Variants in FAM135A observed in about 807,000 individuals in gnomAD.
FAM135A encodes family with sequence similarity 135 member A, also known as protein FAM135A.
In FAM135A, 79 loss-of-function variants were observed where a neutral mutation model predicts 146.8. The observed-to-expected ratio is 0.54, with a 90% confidence interval of 0.45 to 0.65. The LOEUF (loss-of-function observed/expected upper bound fraction) is 0.65, where lower values mean the gene tolerates loss of function less well. Ranked by LOEUF, FAM135A falls within the 30% of genes least tolerant of loss-of-function variation. The pLI is 0.00. For missense variants in FAM135A, 1,623 were observed against 1,758.2 expected (o/e 0.92, Z 1.38); for synonymous variants, 562 against 603.6 (o/e 0.93, Z 1.01).
At chr6:70,451,002 C>G (rs1213855769) in intron 4 of FAM135A, among the ~76,000 whole-genome samples, 1 of 151,970 alleles carries the variant, frequency 6.6e-6, no homozygotes, top group Non-Finnish European at 1.5e-5. Flanking sequence ...CTTGGCCTCC[C>G]AAAGTGTTAG....
chr6:70,533,857 ATCT>A lies in FAM135A; in HGVS notation c.3965+8_3965+10del, dbSNP rs766437335. The A allele has an allele frequency of 3.7e-6, 5 of 1,369,386 alleles. No individual in the cohort carries two copies. The East Asian group carries it at 1.0e-4, about 28-fold the overall frequency. 84.8% of individuals were successfully genotyped at this position (1,369,386 alleles called of 1,614,324 possible). On this transcript the variant is annotated splice_donor_5th_base_variant and intron_variant, in intron 18 of 21. Transcript: ENST00000418814. The stretch of plus-strand genomic sequence containing the variant: ...AGTCTAACAGTCTCAAAAATAAGGT[ATCT>A]TCTTTAATATTATGCAATTTATTTT...
chr6:70,539,714 G>A (rs890514748), intron 20 of FAM135A, among the ~76,000 whole-genome samples: 1 of 152,042 alleles, frequency 6.6e-6, no homozygotes, highest in Non-Finnish European at 1.5e-5. Flanking sequence ...ACATTGACAC[G>A]GCCGGGCGTG....
intron 12 of FAM135A, 104 bp downstream of exon 12, chr6:70,502,895 C>T: frequency 8.7e-7 from 1 of 1,148,576 alleles, no homozygotes; most frequent in East Asian, 2.5e-5. Flanking sequence ...ATTGATAAAT[C>T]AGAAAAGAGA....
intron 2 of FAM135A, among the ~76,000 whole-genome samples, chr6:70,420,881 C>CT (rs769247397): frequency 0.03 from 4,426 of 145,798 alleles, 86 homozygotes; most frequent in Non-Finnish European, 0.044. Context: ...GCACACACTA[C>CT]TTTTTTTTTT....
intron 5 of FAM135A, among the ~76,000 whole-genome samples, chr6:70,458,528 T>C (rs1192666271): frequency 6.6e-6 from 1 of 152,186 alleles, no homozygotes; most frequent in Non-Finnish European, 1.5e-5. Context: ...CCAACATGAT[T>C]ACCTTGTATG....
intron 12 of FAM135A, chr6:70,504,468 C>CT (rs2128262001): frequency 6.6e-6 from 1 of 152,090 alleles, no homozygotes; most frequent in East Asian, 1.9e-4. Context: ...TAGAAGGAAA[C>CT]TAAGAGAAAG....
chr6:70,445,675 A>G (rs1486179091), intron 4 of FAM135A, among the ~76,000 whole-genome samples: 1 of 152,218 alleles, frequency 6.6e-6, no homozygotes, highest in East Asian at 1.9e-4. Flanking sequence ...TTTGTGGTTT[A>G]AGAACGCTTT....
chr6:70,443,119 T>C (rs368953191), intron 4 of FAM135A, among the ~76,000 whole-genome samples: 3 of 152,220 alleles, frequency 2.0e-5, no homozygotes, highest in East Asian at 3.8e-4. Context: ...TTTGCCAAAT[T>C]ACATTCCATA....
At chr6:70,544,530 A>G (rs9455155) in intron 20 of FAM135A, among the ~76,000 whole-genome samples, 3,225 of 151,930 alleles carry the variant, frequency 0.021, 108 homozygotes, top group African/African-American at 0.074. Flanking sequence ...CTCCATCCCA[A>G]AAAAAAGAAG....
At chr6:70,547,611 T>A (rs1256427429) in intron 20 of FAM135A, among the ~76,000 whole-genome samples, 1 of 152,100 alleles carries the variant, frequency 6.6e-6, no homozygotes, top group East Asian at 1.9e-4. Context: ...AATCACCAGT[T>A]TAGAACCACT....
chr6:70,550,005 G>T (rs544292048), intron 20 of FAM135A, among the ~76,000 whole-genome samples: 3 of 152,286 alleles, frequency 2.0e-5, no homozygotes, highest in African/African-American at 7.2e-5. Flanking sequence ...CACTTTCTCT[G>T]TTCATCTATA....
chr6:70,551,942 A>G (rs192864851), intron 20 of FAM135A, among the ~76,000 whole-genome samples: 1 of 152,360 alleles, frequency 6.6e-6, no homozygotes. Flanking sequence ...AATGTGACAC[A>G]GAGACACAAA....
intron 18 of FAM135A, among the ~76,000 whole-genome samples, chr6:70,535,486 C>CATT (rs773510205): frequency 4.6e-5 from 7 of 152,076 alleles, no homozygotes; most frequent in African/African-American, 7.2e-5. Flanking sequence ...CATCGGTGAG[C>CATT]ATTAGATTTG....
At chr6:70,516,398 G>A (rs1792221529) in intron 12 of FAM135A, among the ~76,000 whole-genome samples, 1 of 151,972 alleles carries the variant, frequency 6.6e-6, no homozygotes, top group Admixed American at 6.6e-5. Context: ...ATACTTTAAA[G>A]CTGCCATATG....
intron 11 of FAM135A, among the ~76,000 whole-genome samples, chr6:70,497,208 T>C (rs1391022476): frequency 6.6e-6 from 1 of 152,178 alleles, no homozygotes; most frequent in Admixed American, 6.5e-5. Context: ...CTTGAAGAGG[T>C]CCTTCACATC....
intron 11 of FAM135A, 91 bp from the exon 12 acceptor site, chr6:70,502,545 G>T (rs1788792456): frequency 7.8e-7 from 1 of 1,288,976 alleles, no homozygotes; most frequent in Non-Finnish European, 1.1e-6. Flanking sequence ...CCACAAATTT[G>T]CCTTTGTATT....
intron 10 of FAM135A, among the ~76,000 whole-genome samples, chr6:70,483,267 C>A (rs1376258703): frequency 6.6e-6 from 1 of 152,176 alleles, no homozygotes; most frequent in Non-Finnish European, 1.5e-5. Flanking sequence ...ACTCACACTT[C>A]TTGACTAGAC....
At chr6:70,531,995 G>C (rs1254161283) in intron 16 of FAM135A, among the ~76,000 whole-genome samples, 1 of 140,754 alleles carries the variant, frequency 7.1e-6, no homozygotes, top group Non-Finnish European at 1.5e-5. Context: ...CCATTCTCCT[G>C]CCTCAGCTTC....
At chr6:70,532,926 CA>C (rs1796102797) in intron 16 of FAM135A, among the ~76,000 whole-genome samples, 1 of 149,544 alleles carries the variant, frequency 6.7e-6, no homozygotes, top group African/African-American at 2.5e-5. Flanking sequence ...AGCAAGACTC[CA>C]TCTCAAAAAA....
Sources: gnomAD v4.1 joint callset for allele counts (sites outside exome capture counted in the v4.1 genomes callset) on GRCh38, gnomAD v4.1.1 for gene constraint, MANE v1.5 for transcripts, NCBI Gene and HGNC (gene_info 2026-07-23, HGNC 2026-07-21) for gene names.